Variants in RNF24 observed in about 807,000 individuals in gnomAD.
RNF24 encodes the protein ring finger protein 24.
RNF24 carries 14 observed loss-of-function variants against 20.0 expected under a neutral mutation model. The observed-to-expected ratio is 0.70, with a 90% CI of 0.46 to 1.10. The LOEUF (loss-of-function observed/expected upper bound fraction) is 1.10. RNF24 is among the 50% of genes least tolerant of loss of function. The probability of loss-of-function intolerance (pLI) is 0.00; values close to 1 mark genes in which losing one functional copy is unlikely to be tolerated. For synonymous variants in RNF24, 45 were observed against 61.1 expected (o/e 0.74, Z 1.23); for missense variants, 124 against 177.6 (o/e 0.70, Z 1.71).
chr20:3,970,594 TG>T (rs1216381397), intron 1 of RNF24, among the ~76,000 whole-genome samples: 1 of 152,102 alleles, frequency 6.6e-6, no homozygotes, highest in East Asian at 1.9e-4. Flanking sequence ...TGAACATGCT[TG>T]AAACAAGTGA....
intron 2 of RNF24, among the ~76,000 whole-genome samples, chr20:3,958,331 T>G (rs1472070503): frequency 6.6e-6 from 1 of 152,114 alleles, no homozygotes. Context: ...AACCCAGCAC[T>G]AAAATACTTC....
intron 4 of RNF24, among the ~76,000 whole-genome samples, chr20:3,938,261 T>C (rs1403252921): frequency 6.6e-6 from 1 of 152,224 alleles, no homozygotes; most frequent in Non-Finnish European, 1.5e-5. Context: ...TATTAGTTGG[T>C]TTCTTTTTAT....
intron 1 of RNF24, among the ~76,000 whole-genome samples, chr20:3,965,963 G>C (rs548085721): frequency 1.3e-5 from 2 of 151,970 alleles, no homozygotes; most frequent in East Asian, 3.9e-4. Context: ...GCGACAATGT[G>C]TCTCTACTAA....
intron 1 of RNF24, among the ~76,000 whole-genome samples, chr20:3,965,410 A>G (rs2300216): frequency 0.16 from 24,032 of 152,088 alleles, 2,158 homozygotes; most frequent in African/African-American, 0.25. Flanking sequence ...CTCTAGTAAC[A>G]TATATCAGGA....
At chr20:3,979,614 G>A (rs1478398565) in intron 1 of RNF24, among the ~76,000 whole-genome samples, 4 of 152,200 alleles carry the variant, frequency 2.6e-5, no homozygotes, top group Non-Finnish European at 4.4e-5. Flanking sequence ...AGCAGAGGTT[G>A]CAGTGAGCAG....
chr20:3,969,385 C>G (rs1035225125), intron 1 of RNF24, among the ~76,000 whole-genome samples: 2 of 151,936 alleles, frequency 1.3e-5, no homozygotes, highest in Non-Finnish European at 2.9e-5. Context: ...AGCACACTAA[C>G]TAGGGACCTG....
At chr20:4,007,364 T>A (rs13042139) in intron 1 of RNF24, among the ~76,000 whole-genome samples, 2 of 152,134 alleles carry the variant, frequency 1.3e-5, no homozygotes, top group East Asian at 3.9e-4. Context: ...GTCCTCAGAA[T>A]ATACTTCGTA....
intron 1 of RNF24, among the ~76,000 whole-genome samples, chr20:3,980,347 G>A (rs544972149): frequency 6.0e-4 from 92 of 152,258 alleles, no homozygotes; most frequent in African/African-American, 1.9e-3. Context: ...GGATAGCACC[G>A]AGTCCTACGT....
chr20:3,959,290 A>C (rs868710072), intron 2 of RNF24, among the ~76,000 whole-genome samples: 1 of 152,188 alleles, frequency 6.6e-6, no homozygotes, highest in African/African-American at 2.4e-5. Flanking sequence ...CAGAAGTCCA[A>C]GAAAGATTCT....
rs1034969696 is a variant in RNF24 at position 3,929,298 on chromosome 20, C to G, written c.*4765G>C. The G allele has an allele frequency of 8.5e-5, 13 of 152,392 alleles. No homozygotes were observed. Among genetic ancestry groups the G allele is most frequent in the African/African-American group, 3.1e-4 (13 of 41,568 alleles). The allele number at this position is 152,392 out of a possible 1,614,324, so 9.4% of individuals were successfully genotyped here. Reference sequence around the variant, plus strand: ...GTGCACCTGTAGACGCAGCTACAGACTGAGGCGGGAGGATCACTTGAGTCC... The same window carrying G: ...GTGCACCTGTAGACGCAGCTACAGAGTGAGGCGGGAGGATCACTTGAGTCC... On this transcript the variant is annotated 3_prime_UTR_variant, in exon 6 of 6. Transcript: ENST00000358395.
At chr20:3,947,369 T>C (rs953091805) in intron 3 of RNF24, among the ~76,000 whole-genome samples, 1 of 152,184 alleles carries the variant, frequency 6.6e-6, no homozygotes, top group African/African-American at 2.4e-5. Flanking sequence ...GGCCCCCTGT[T>C]TGGAAGAAAA....
intron 4 of RNF24, among the ~76,000 whole-genome samples, chr20:3,937,030 G>C (rs1020232599): frequency 1.3e-5 from 2 of 152,050 alleles, no homozygotes; most frequent in Non-Finnish European, 2.9e-5. Flanking sequence ...GTAGAGACAG[G>C]GTTTCACCAT....
chr20:3,998,301 G>A (rs767354588), intron 1 of RNF24, among the ~76,000 whole-genome samples: 19 of 151,964 alleles, frequency 1.3e-4, no homozygotes, highest in East Asian at 1.9e-4. Context: ...TAGGCTGGGC[G>A]TTGTGGCTCA....
chr20:3,957,928 C>T (rs2300217), intron 2 of RNF24, among the ~76,000 whole-genome samples: 108,213 of 152,056 alleles, frequency 0.71, 38,555 homozygotes, highest in South Asian at 0.82. Context: ...CTCCACATTG[C>T]TCTCTAATCC....
At chr20:4,002,879 T>A (rs914035364) in intron 1 of RNF24, among the ~76,000 whole-genome samples, 13 of 152,162 alleles carry the variant, frequency 8.5e-5, no homozygotes, top group African/African-American at 2.9e-4. Flanking sequence ...TCTAAATGGA[T>A]GGTGGTAGTG....
At chr20:3,995,343 C>G (rs1332189768) in intron 1 of RNF24, among the ~76,000 whole-genome samples, 1 of 152,216 alleles carries the variant, frequency 6.6e-6, no homozygotes, top group Admixed American at 6.5e-5. Flanking sequence ...AGATCTACAT[C>G]TTTGAGCCTG....
At chr20:4,003,632 C>CT (rs1568667865) in intron 1 of RNF24, among the ~76,000 whole-genome samples, 3 of 78,046 alleles carry the variant, frequency 3.8e-5, no homozygotes, top group African/African-American at 8.4e-5. Flanking sequence ...GTTAGAAACT[C>CT]CTTTTTTTTT....
intron 4 of RNF24, among the ~76,000 whole-genome samples, chr20:3,937,875 T>A (rs896707557): frequency 6.6e-6 from 1 of 152,206 alleles, no homozygotes; most frequent in Non-Finnish European, 1.5e-5. Context: ...GCCACCTGGG[T>A]TGTTTCTACC....
chr20:3,962,294 T>C (rs1165597752), intron 2 of RNF24, among the ~76,000 whole-genome samples: 1 of 152,068 alleles, frequency 6.6e-6, no homozygotes, highest in East Asian at 1.9e-4. Context: ...AGGAAAGCTG[T>C]AGTGAGCAGA....
Sources: gnomAD v4.1 joint callset for allele counts (sites outside exome capture counted in the v4.1 genomes callset) on GRCh38, gnomAD v4.1.1 for gene constraint, MANE v1.5 for transcripts, NCBI Gene and HGNC (gene_info 2026-07-23, HGNC 2026-07-21) for gene names.